NOS1: variants seen among roughly 807,000 people sequenced by gnomAD.
The protein encoded by NOS1 is nitric oxide synthase 1.
A neutral mutation model predicts 164.5 loss-of-function variants in NOS1; 51 were observed. The ratio of observed to expected loss-of-function variants is 0.31; its 90% CI spans 0.25 to 0.39. The LOEUF (loss-of-function observed/expected upper bound fraction) is 0.39, where lower values mean the gene tolerates loss of function less well. Among genes scored for constraint, NOS1 ranks in the 10% least tolerant of loss-of-function variants. The pLI is 1.00. For missense variants in NOS1, 1,362 were observed against 1,885.6 expected (o/e 0.72, Z 5.14); for synonymous variants, 719 against 745.8 (o/e 0.96, Z 0.59).
chr12:117,360,823 G>C (rs375548209), intron 1 of NOS1, among the ~76,000 whole-genome samples: 3 of 152,182 alleles, frequency 2.0e-5, no homozygotes, highest in East Asian at 1.9e-4. Context: ...CCCCCAGCCC[G>C]GGCTGCCCGC....
At chr12:117,230,972 T>A (rs1287303698) in intron 22 of NOS1, among the ~76,000 whole-genome samples, 1 of 151,780 alleles carries the variant, frequency 6.6e-6, no homozygotes, top group African/African-American at 2.4e-5. Flanking sequence ...GGAAGGGTAG[T>A]GGGGAGGAGT....
intron 3 of NOS1, among the ~76,000 whole-genome samples, chr12:117,311,246 G>A (rs565631323): frequency 0.011 from 1,041 of 94,628 alleles, 4 homozygotes; most frequent in Non-Finnish European, 0.016. Context: ...TGTGAAAAAC[G>A]GCATCTCACA....
chr12:117,241,223 C>A (rs574255139), intron 20 of NOS1, among the ~76,000 whole-genome samples: 1 of 152,200 alleles, frequency 6.6e-6, no homozygotes, highest in South Asian at 2.1e-4. Context: ...CAGGTGTGAG[C>A]CACCGTGCCT....
chr12:117,335,030 A>G (rs576881), intron 1 of NOS1, among the ~76,000 whole-genome samples: 53,170 of 152,002 alleles, frequency 0.35, 9,602 homozygotes, highest in Middle Eastern at 0.45. Flanking sequence ...ATTTGTAATC[A>G]CCTCGTCTCT....
Position 117,212,379 on chromosome 12 carries a change from G to C in NOS1, c.*2930C>G, listed in dbSNP as rs1956542629. The C allele has an allele frequency of 2.0e-6, 2 of 985,210 alleles. No homozygotes were observed. 61.0% of individuals were successfully genotyped at this position (985,210 alleles called of 1,614,324 possible). A position where few individuals can be genotyped will look rare whatever the true frequency, so the allele number is the denominator to read the frequency against. ...GGCTCCCAAAATTCCATATTGATGGGTCTGAAGTGTCCCCCCGCAAAAGAA... is the reference window on the plus strand; with the variant it reads ...GGCTCCCAAAATTCCATATTGATGGCTCTGAAGTGTCCCCCCGCAAAAGAA... On this transcript the variant is annotated 3_prime_UTR_variant, in exon 29 of 29. Coordinates refer to ENST00000317775, the MANE Select transcript of NOS1 (RefSeq NM_000620.5).
At chr12:117,261,349 T>C (rs1388991280) in intron 13 of NOS1, among the ~76,000 whole-genome samples, 1 of 152,110 alleles carries the variant, frequency 6.6e-6, no homozygotes, top group Non-Finnish European at 1.5e-5. Flanking sequence ...TCTCTTTCAT[T>C]CATCAAATAT....
At chr12:117,338,893 CCT>C (rs1875964053) in intron 1 of NOS1, among the ~76,000 whole-genome samples, 1 of 152,136 alleles carries the variant, frequency 6.6e-6, no homozygotes, top group Non-Finnish European at 1.5e-5. Flanking sequence ...GAGTTTCAGC[CCT>C]GTTTCCCATC....
At chr12:117,300,661 A>G (rs1017491055) in intron 3 of NOS1, among the ~76,000 whole-genome samples, 5 of 152,110 alleles carry the variant, frequency 3.3e-5, no homozygotes, top group African/African-American at 1.2e-4. Context: ...GGAATGTTGG[A>G]TCACCCTAAG....
rs555647810 is a variant in NOS1 at position 117,262,149 on chromosome 12, T to A, written c.2223-1540A>T. Among the ~76,000 whole-genome samples the A allele has an allele frequency of 1.0e-3, 153 of 152,330 alleles. 1 individual carries two copies. The highest frequency in any genetic ancestry group is 3.5e-3 in the African/African-American group (145 of 41,570). On this transcript the variant is annotated intron_variant, in intron 13 of 28. Coordinates refer to ENST00000317775, the MANE Select transcript of NOS1 (RefSeq NM_000620.5). The stretch of plus-strand genomic sequence containing the variant: ...GCTAAGGGGAAGAAACAGAAAGGAA[T>A]AAAAGGTACCTGGAGGGTTCCCTTT...
intron 1 of NOS1, among the ~76,000 whole-genome samples, chr12:117,357,566 A>T (rs998196986): frequency 6.6e-6 from 1 of 152,220 alleles, no homozygotes; most frequent in Non-Finnish European, 1.5e-5. Flanking sequence ...ATCGAGTCAC[A>T]TGCCTCTTCT....
Position 117,215,178 on chromosome 12 carries a change from G to A in NOS1, c.*131C>T, listed in dbSNP as rs534631981. ...GAAACCACTGAGGGGCGAGAAGCCC[G>A]AGGAGGGAAACCAGGGCACAGCGAC... On this transcript the variant is annotated 3_prime_UTR_variant, in exon 29 of 29. Transcript: ENST00000317775. 1.5e-4 allele frequency: 197 copies of A among 1,334,858 alleles called. 1 individual carries two copies. In the South Asian group the frequency reaches 3.6e-3, roughly 25 times the overall value. 82.7% of individuals were successfully genotyped at this position (1,334,858 alleles called of 1,614,324 possible). A position where few individuals can be genotyped will look rare whatever the true frequency, so the allele number is the denominator to read the frequency against.
At chr12:117,325,705 A>C (rs1875211960) in intron 2 of NOS1, among the ~76,000 whole-genome samples, 1 of 152,206 alleles carries the variant, frequency 6.6e-6, no homozygotes, top group South Asian at 2.1e-4. Context: ...TTTTATCAGG[A>C]GTCATTCACT....
intron 22 of NOS1, among the ~76,000 whole-genome samples, chr12:117,228,466 T>A (rs1482874383): frequency 1.3e-5 from 2 of 152,180 alleles, no homozygotes; most frequent in African/African-American, 4.8e-5. Context: ...AGTCTGGAGA[T>A]GCATCTTTGG....
At position 117,311,674 on chromosome 12, in the gene NOS1, G is replaced by A. The variant is rs1043742560; in HGVS notation, c.726-82C>T. On this transcript the variant is annotated intron_variant, in intron 2 of 28. Coordinates refer to ENST00000317775, the MANE Select transcript of NOS1 (RefSeq NM_000620.5). The stretch of plus-strand genomic sequence containing the variant: ...GCTTTGACCTGGAAGTCCTGAGTCT[G>A]TACAGAACCTCAGTAGCTCACTCAC... 6.9e-6 allele frequency: 10 copies of A among 1,458,052 alleles called. 1 individual carries two copies. The highest frequency in any genetic ancestry group is 2.1e-5 in the Admixed American group (1 of 48,734). The allele number at this position is 1,458,052 out of a possible 1,614,324, so 90.3% of individuals were successfully genotyped here.
intron 3 of NOS1, among the ~76,000 whole-genome samples, chr12:117,309,079 G>A (rs976553190): frequency 1.3e-5 from 2 of 152,286 alleles, no homozygotes; most frequent in South Asian, 4.1e-4. Flanking sequence ...TTTCTCTTGT[G>A]AGGGCTCATA....
At chr12:117,262,546 T>C (rs1872022311) in intron 13 of NOS1, among the ~76,000 whole-genome samples, 1 of 151,698 alleles carries the variant, frequency 6.6e-6, no homozygotes, top group Non-Finnish European at 1.5e-5. Context: ...TGATTGATTC[T>C]ATGGGCTCTA....
rs1028964220 is a variant in NOS1 at position 117,361,610 on chromosome 12, T to C, written c.-519A>G. Reference sequence around the variant, plus strand: ...AGCGGCTGGAAACGCGGCATAAATATGTAGGGACTGAGCCGTGAGCTCAGC... The same window carrying C: ...AGCGGCTGGAAACGCGGCATAAATACGTAGGGACTGAGCCGTGAGCTCAGC... On this transcript the variant is annotated 5_prime_UTR_variant, in exon 1 of 29. Coordinates refer to ENST00000317775, the MANE Select transcript of NOS1 (RefSeq NM_000620.5). 1.3e-5 allele frequency: 2 copies of C among 151,918 alleles called. No individual in the cohort carries two copies. Among genetic ancestry groups the C allele is most frequent in the African/African-American group, 2.4e-5 (1 of 41,374 alleles). 9.4% of individuals were successfully genotyped at this position (151,918 alleles called of 1,614,324 possible).
At chr12:117,262,450 G>T (rs1489423797) in intron 13 of NOS1, among the ~76,000 whole-genome samples, 1 of 143,478 alleles carries the variant, frequency 7.0e-6, no homozygotes, top group Non-Finnish European at 1.5e-5. Flanking sequence ...GAGAGAGACA[G>T]AGAGAGGAGA....
chr12:117,263,819 C>G (rs1872136581), intron 13 of NOS1, 70 bp downstream of exon 13: 1 of 1,211,450 alleles, frequency 8.3e-7, no homozygotes, highest in Admixed American at 1.7e-5. Context: ...GGAGTCTGCC[C>G]AGCCTCCTTC....
Sources: gnomAD v4.1 joint callset for allele counts (sites outside exome capture counted in the v4.1 genomes callset) on GRCh38, gnomAD v4.1.1 for gene constraint, MANE v1.5 for transcripts, NCBI Gene and HGNC (gene_info 2026-07-23, HGNC 2026-07-21) for gene names.